Variants in BPTF observed in about 807,000 individuals in gnomAD.
BPTF encodes the protein nucleosome-remodeling factor subunit BPTF.
Under a neutral mutation model 292.5 loss-of-function variants are expected in BPTF, and 18 were observed. The observed-to-expected ratio is 0.06, with a 90% CI of 0.04 to 0.09. The LOEUF (loss-of-function observed/expected upper bound fraction) is 0.09, where lower values mean the gene tolerates loss of function less well. BPTF is among the 10% of genes least tolerant of loss of function. The pLI is 1.00. For missense variants in BPTF, 2,726 were observed against 3,498.7 expected (o/e 0.78, Z 5.57); for synonymous variants, 1,225 against 1,251.9 (o/e 0.98, Z 0.45).
chr17:67,916,782 A>G (rs58768748), intron 11 of BPTF, among the ~76,000 whole-genome samples: 215 of 151,432 alleles, frequency 1.4e-3, no homozygotes, highest in East Asian at 5.8e-3. Context: ...AAAAAAAAAA[A>G]AAAGAAAGCA....
Position 67,911,030 on chromosome 17 carries a change from C to A in BPTF, c.3146C>A (p.Thr1049Asn). The change falls in exon 11 of 28, where the codon ACT (threonine) becomes AAT (asparagine). Residue 1049 changes from threonine to asparagine, a missense_variant. Physicochemically the swap from Thr to Asn is moderately conservative, Grantham distance 65 (BLOSUM62 0). This residue lies in a region of BPTF where 713 missense variants were observed against 714.9 expected (regional missense o/e 1.00). Coordinates refer to ENST00000306378, the MANE Select transcript of BPTF (RefSeq NM_182641.4). ...GTTAGTGAGGGTTTTCATCTAAGGA[C>A]TAGTTACAAAAAGAAAACAAAATCA... The part of the protein sequence containing the change: ...VNVSEGFHLR[T>N]SYKKKTKSSK... The A allele has an allele frequency of 6.2e-7, 1 of 1,612,982 alleles. No individual in the cohort carries two copies. Among genetic ancestry groups the A allele is most frequent in the African/African-American group, 1.3e-5 (1 of 74,870 alleles).
intron 15 of BPTF, among the ~76,000 whole-genome samples, chr17:67,927,411 A>G (rs1407740249): frequency 6.6e-6 from 1 of 152,252 alleles, no homozygotes; most frequent in Non-Finnish European, 1.5e-5. Context: ...AGTTTTAAAG[A>G]TTGTATTATA....
intron 1 of BPTF, among the ~76,000 whole-genome samples, chr17:67,835,298 A>C (rs1017181299): frequency 1.1e-4 from 17 of 152,344 alleles, no homozygotes; most frequent in Admixed American, 3.9e-4. Flanking sequence ...CTATAGCCAC[A>C]TGTATTGCAC....
At chr17:67,909,894 C>A in intron 10 of BPTF, 133 bp downstream of exon 10, 1 of 657,116 alleles carries the variant, frequency 1.5e-6, no homozygotes, top group Non-Finnish European at 2.3e-6. Flanking sequence ...ATATCCCATA[C>A]AATTCACCCA....
chr17:67,896,898 AGAAAT>A (rs1479911556), intron 7 of BPTF, among the ~76,000 whole-genome samples: 2 of 152,212 alleles, frequency 1.3e-5, no homozygotes, highest in Non-Finnish European at 2.9e-5. Flanking sequence ...ACCAACCTAA[AGAAAT>A]AAAATATTAA....
At position 67,836,783 on chromosome 17, in the gene BPTF, C is replaced by T. The variant is rs796256448; in HGVS notation, c.613+10446C>T. The stretch of plus-strand genomic sequence containing the variant: ...AATTATTTCACACACTTCTTAAAGT[C>T]TTATTCAGTAAGTTACTCATTTCTC... On this transcript the variant is annotated intron_variant, in intron 1 of 27. Transcript: ENST00000306378. Among the ~76,000 whole-genome samples the T allele has an allele frequency of 3.9e-5, 6 of 152,312 alleles. No homozygotes were observed. In the South Asian group the frequency reaches 1.0e-3, roughly 26 times the overall value.
At position 67,975,949 on chromosome 17, in the gene BPTF, A is replaced by G. The variant is rs1401096229; in HGVS notation, c.8717A>G (p.Lys2906Arg). ...SFFVQKLKGFKASRSHNNKLQ... is the reference protein window; with the variant it reads ...SFFVQKLKGFRASRSHNNKLQ... ...TTTGTACAGAAATTGAAAGGCTTCA[A>G]AGCTAGCAGGTGAGCAGATGGGTTC... The change falls in exon 27 of 28, where the codon AAA becomes AGA. Residue 2906 changes from lysine (K) to arginine (R), a missense_variant. By Grantham distance (26) the Lys-to-Arg change is conservative. Around this residue, in one of 22 missense-constraint regions of BPTF, gnomAD observed 27 missense variants for 66.1 expected, o/e 0.41. Coordinates refer to ENST00000306378, the MANE Select transcript of BPTF (RefSeq NM_182641.4). The G allele has an allele frequency of 6.2e-7, 1 of 1,611,540 alleles. No homozygotes were observed. Among genetic ancestry groups the G allele is most frequent in the Non-Finnish European group, 8.5e-7 (1 of 1,179,138 alleles).
chr17:67,982,426 G>A lies in BPTF; in HGVS notation c.*138G>A. 1 of 673,902 alleles carries A rather than the reference G, an allele frequency of 1.5e-6. No homozygotes were observed. The highest frequency in any genetic ancestry group is 2.3e-6 in the Non-Finnish European group (1 of 428,178). 41.7% of individuals were successfully genotyped at this position (673,902 alleles called of 1,614,324 possible). A position where few individuals can be genotyped will look rare whatever the true frequency, so the allele number is the denominator to read the frequency against. On this transcript the variant is annotated 3_prime_UTR_variant, in exon 28 of 28. Coordinates refer to ENST00000306378, the MANE Select transcript of BPTF (RefSeq NM_182641.4). ...AACTTCGTTTTTATTGGTCATAACA[G>A]TCCAATTATATTCTTGGCCAATTTT...
intron 3 of BPTF, among the ~76,000 whole-genome samples, chr17:67,874,517 C>T (rs893551996): frequency 4.6e-5 from 7 of 151,976 alleles, no homozygotes; most frequent in Admixed American, 3.3e-4. Flanking sequence ...CACAGATATC[C>T]GTGACAGATA....
intron 2 of BPTF, among the ~76,000 whole-genome samples, chr17:67,861,516 A>G (rs1233735148): frequency 2.6e-5 from 4 of 151,942 alleles, no homozygotes; most frequent in African/African-American, 9.7e-5. Context: ...GGGTTTCACC[A>G]TGTTGGCCAG....
intron 1 of BPTF, 118 bp downstream of exon 1, chr17:67,826,455 A>G (rs1268013920): frequency 7.0e-6 from 7 of 999,832 alleles, no homozygotes; most frequent in Non-Finnish European, 9.4e-6. Flanking sequence ...CTCCCCCCCA[A>G]ACAGAGGGGA....
chr17:67,877,397 C>T (rs1278871665), intron 4 of BPTF, among the ~76,000 whole-genome samples: 2 of 152,204 alleles, frequency 1.3e-5, no homozygotes, highest in East Asian at 3.8e-4. Flanking sequence ...TCTGTTACCA[C>T]TGTTTACTAC....
intron 17 of BPTF, 65 bp downstream of exon 17, chr17:67,929,552 C>G: frequency 1.3e-6 from 2 of 1,527,022 alleles, no homozygotes; most frequent in South Asian, 2.4e-5. Flanking sequence ...TTTAGAATGA[C>G]TTCTTCCAAG....
chr17:67,858,555 CAAAAAAAAA>C, intron 2 of BPTF, among the ~76,000 whole-genome samples: 1 of 77,924 alleles, frequency 1.3e-5, no homozygotes, highest in South Asian at 3.9e-4. Flanking sequence ...ACTCTGTCTC[CAAAAAAAAA>C]AAAAAAAAAA....
Position 67,931,967 on chromosome 17 carries a change from A to G in BPTF, c.6207A>G (p.Gln2069=), listed in dbSNP as rs777364129. The G allele has an allele frequency of 2.2e-5, 35 of 1,613,982 alleles. No homozygotes were observed. The highest frequency in any genetic ancestry group is 2.7e-5 in the Non-Finnish European group (32 of 1,180,000). ...TGACCGTGATTAGAACACCACTCCAACAGTCAACACTAGGAAAGGCAATTA... is the reference window on the plus strand; with the variant it reads ...TGACCGTGATTAGAACACCACTCCAGCAGTCAACACTAGGAAAGGCAATTA... The part of the protein sequence containing the change: ...PGMTVIRTPL[Q]QSTLGKAIIR... Residue 2069 remains glutamine, a synonymous_variant, in exon 18 of 28, where the codon CAA becomes CAG. Coordinates refer to ENST00000306378, the MANE Select transcript of BPTF (RefSeq NM_182641.4).
Position 67,982,258 on chromosome 17 carries a change from TAAC to T in BPTF, c.8739_8741del (p.Asn2913del), listed in dbSNP as rs1555697003. ...TTTTTTCTATATTCTGTAGGTCTCA[TAAC>T]AACAAACTGCAGTCTACAGCTTCTT... On this transcript the variant is annotated inframe_deletion, in exon 28 of 28. Transcript: ENST00000306378. The T allele has an allele frequency of 2.5e-6, 4 of 1,611,640 alleles. No individual in the cohort carries two copies. The highest frequency in any genetic ancestry group is 3.4e-6 in the Non-Finnish European group (4 of 1,178,236).
intron 18 of BPTF, among the ~76,000 whole-genome samples, chr17:67,939,556 A>G (rs929044352): frequency 2.0e-5 from 3 of 152,324 alleles, no homozygotes; most frequent in Admixed American, 1.3e-4. Context: ...CATTCATTCA[A>G]TAGACATTTA....
rs758267480 is a variant in BPTF at position 67,911,143 on chromosome 17, G to A, written c.3259G>A (p.Gly1087Arg). The change falls in exon 11 of 28, where the codon GGA becomes AGA. Residue 1087 changes from glycine (G) to arginine (R), a missense_variant. This residue lies in a region of BPTF where 713 missense variants were observed against 714.9 expected (regional missense o/e 1.00). Transcript: ENST00000306378. ...QRLEKIKLEGGIKGIGKTSTN... is the reference protein window; with the variant it reads ...QRLEKIKLEGRIKGIGKTSTN... ...ACTCGAAAAAATCAAGTTGGAGGGT[G>A]GAATTAAGGGTATAGGAAAGACTTC... 1 of 1,613,950 alleles carries A rather than the reference G, an allele frequency of 6.2e-7. No homozygotes were observed. Among genetic ancestry groups the A allele is most frequent in the Non-Finnish European group, 8.5e-7 (1 of 1,179,992 alleles).
intron 7 of BPTF, among the ~76,000 whole-genome samples, chr17:67,898,020 C>T (rs2061564618): frequency 6.6e-6 from 1 of 152,146 alleles, no homozygotes; most frequent in Non-Finnish European, 1.5e-5. Context: ...GAATTGGCTT[C>T]ACCTTAGACA....
Sources: allele counts gnomAD v4.1 joint callset (sites outside exome capture counted in the v4.1 genomes callset), GRCh38; gene constraint gnomAD v4.1.1; regional missense constraint gnomAD v4.1.1; transcripts MANE v1.5; gene names NCBI Gene and HGNC (gene_info 2026-07-23, HGNC 2026-07-21).